KIAA1328: variants seen among roughly 807,000 people sequenced by gnomAD.
KIAA1328 encodes KIAA1328.
KIAA1328 carries 52 observed loss-of-function variants against 68.1 expected under a neutral mutation model. That is an observed-to-expected ratio of 0.76 (90% CI 0.61 to 0.96). KIAA1328 has a LOEUF of 0.96. Among genes scored for constraint, KIAA1328 ranks in the 40% least tolerant of loss-of-function variants. KIAA1328 has a pLI of 0.00. For synonymous variants in KIAA1328, 232 were observed against 239.4 expected (o/e 0.97, Z 0.28); for missense variants, 641 against 677.6 (o/e 0.95, Z 0.60).
intron 5 of KIAA1328, among the ~76,000 whole-genome samples, chr18:36,931,513 T>G (rs2050310248): frequency 6.6e-6 from 1 of 152,028 alleles, no homozygotes; most frequent in Admixed American, 6.5e-5. Context: ...GTGGAAAAAT[T>G]GTTTTCCATG....
chr18:37,053,340 A>T (rs1183865686), intron 6 of KIAA1328, among the ~76,000 whole-genome samples: 2 of 152,238 alleles, frequency 1.3e-5, no homozygotes, highest in Admixed American at 1.3e-4. Context: ...TACACTCAAG[A>T]TGGACTAAAG....
At position 37,124,018 on chromosome 18, in the gene KIAA1328, A is replaced by G. The variant is rs531429805; in HGVS notation, c.1233-36182A>G. 5.0e-4 allele frequency among the ~76,000 whole-genome samples: 76 copies of G among 152,292 alleles called. No homozygotes were observed. In the South Asian group the frequency reaches 0.015, roughly 31 times the overall value. ...TTAAGAGAGAGATTCTGTATACTATATGCCAGTGCAGTAGACATTAATTCC... is the reference window on the plus strand; with the variant it reads ...TTAAGAGAGAGATTCTGTATACTATGTGCCAGTGCAGTAGACATTAATTCC... On this transcript the variant is annotated intron_variant, in intron 7 of 9. Transcript: ENST00000280020.
chr18:37,203,171 T>G (rs2060146726), intron 9 of KIAA1328, among the ~76,000 whole-genome samples: 1 of 152,024 alleles, frequency 6.6e-6, no homozygotes, highest in Non-Finnish European at 1.5e-5. Context: ...TTCATATCAA[T>G]GTATTGTTAA....
At chr18:36,894,323 A>G (rs905359477) in intron 5 of KIAA1328, among the ~76,000 whole-genome samples, 1 of 152,202 alleles carries the variant, frequency 6.6e-6, no homozygotes, top group African/African-American at 2.4e-5. Flanking sequence ...AAATCCAGAT[A>G]TGTAGAATGT....
At chr18:37,110,091 C>T (rs1287557411) in intron 7 of KIAA1328, among the ~76,000 whole-genome samples, 5 of 150,094 alleles carry the variant, frequency 3.3e-5, no homozygotes, top group African/African-American at 9.8e-5. Context: ...ACATTTTTTT[C>T]GAGGCTCCAA....
chr18:37,073,082 A>G (rs2056590683), intron 7 of KIAA1328, among the ~76,000 whole-genome samples: 1 of 152,250 alleles, frequency 6.6e-6, no homozygotes, highest in African/African-American at 2.4e-5. Flanking sequence ...CCTAGGCAAT[A>G]CCATTCAGGA....
intron 7 of KIAA1328, among the ~76,000 whole-genome samples, chr18:37,133,404 A>T (rs11081989): frequency 0.14 from 20,712 of 151,944 alleles, 1,759 homozygotes; most frequent in Admixed American, 0.18. Context: ...CTGGAATAGT[A>T]GAGTTTTTTA....
At chr18:37,059,190 C>T (rs1002876781) in intron 6 of KIAA1328, among the ~76,000 whole-genome samples, 6 of 151,870 alleles carry the variant, frequency 4.0e-5, no homozygotes, top group Admixed American at 3.9e-4. Context: ...ACAGAATTAA[C>T]GTTGAATATG....
At chr18:36,862,784 A>G (rs562929638) in intron 4 of KIAA1328, among the ~76,000 whole-genome samples, 2 of 152,276 alleles carry the variant, frequency 1.3e-5, no homozygotes, top group African/African-American at 2.4e-5. Context: ...TACATTCCCA[A>G]CAGCAATGTA....
intron 7 of KIAA1328, among the ~76,000 whole-genome samples, chr18:37,077,207 C>A (rs1487951798): frequency 4.9e-5 from 7 of 142,946 alleles, no homozygotes; most frequent in Admixed American, 4.7e-4. Context: ...TGTAATCCAG[C>A]ATGTAAACAG....
chr18:37,002,228 C>CTTTTT (rs145948250), intron 6 of KIAA1328, among the ~76,000 whole-genome samples: 5 of 95,158 alleles, frequency 5.3e-5, no homozygotes, highest in South Asian at 4.0e-4. Context: ...ATTTTTTTTT[C>CTTTTT]TTTTTTTTTT....
At chr18:37,075,536 G>A (rs1413967793) in intron 7 of KIAA1328, 3 of 152,220 alleles carry the variant, frequency 2.0e-5, no homozygotes, top group South Asian at 2.1e-4. Context: ...ACACAGACTG[G>A]CAAATTGGAT....
intron 5 of KIAA1328, among the ~76,000 whole-genome samples, chr18:36,951,203 A>C (rs1255611952): frequency 6.6e-6 from 1 of 152,188 alleles, no homozygotes; most frequent in African/African-American, 2.4e-5. Flanking sequence ...GTGTTCCTAC[A>C]GCACTACATA....
intron 5 of KIAA1328, among the ~76,000 whole-genome samples, chr18:36,908,944 A>G (rs1426099135): frequency 2.0e-5 from 3 of 152,152 alleles, no homozygotes; most frequent in Non-Finnish European, 2.9e-5. Flanking sequence ...AAGCTTTCTT[A>G]TCCTAGGCTT....
chr18:36,869,179 G>A (rs1220149614), intron 4 of KIAA1328, among the ~76,000 whole-genome samples: 1 of 151,850 alleles, frequency 6.6e-6, no homozygotes, highest in East Asian at 1.9e-4. Flanking sequence ...TTTGTTTTAG[G>A]TAGAAAGGCA....
chr18:36,892,236 G>A (rs959193186), intron 5 of KIAA1328, among the ~76,000 whole-genome samples: 21 of 151,936 alleles, frequency 1.4e-4, no homozygotes, highest in African/African-American at 4.8e-4. Flanking sequence ...AAAAAAGAAT[G>A]TAAGTTTCAA....
chr18:37,140,808 A>G (rs188434419), intron 7 of KIAA1328, among the ~76,000 whole-genome samples: 37 of 152,192 alleles, frequency 2.4e-4, no homozygotes, highest in Admixed American at 5.9e-4. Context: ...ATATCAGTGA[A>G]TGATGTTGTT....
At chr18:36,846,347 C>T (rs2047027043) in intron 4 of KIAA1328, among the ~76,000 whole-genome samples, 1 of 151,574 alleles carries the variant, frequency 6.6e-6, no homozygotes, top group Non-Finnish European at 1.5e-5. Flanking sequence ...ACCTTCTTTG[C>T]ATTACAAGAC....
chr18:36,980,252 C>T (rs558910711), intron 6 of KIAA1328, among the ~76,000 whole-genome samples: 6 of 152,302 alleles, frequency 3.9e-5, no homozygotes, highest in African/African-American at 9.6e-5. Flanking sequence ...GCTGGTCTCT[C>T]ATGGCCAATG....
Sources: gnomAD v4.1 joint callset for allele counts (sites outside exome capture counted in the v4.1 genomes callset) on GRCh38, gnomAD v4.1.1 for gene constraint, MANE v1.5 for transcripts, NCBI Gene and HGNC (gene_info 2026-07-23, HGNC 2026-07-21) for gene names.